The following NOP14 variants were observed in gnomAD, a reference collection of about 807,000 sequenced individuals.
NOP14 encodes nucleolar protein 14.
A neutral mutation model predicts 101.6 loss-of-function variants in NOP14; 57 were observed. The ratio of observed to expected loss-of-function variants is 0.56; its 90% CI spans 0.45 to 0.70. The LOEUF (loss-of-function observed/expected upper bound fraction) is 0.70. Ranked by LOEUF, NOP14 falls within the 30% of genes least tolerant of loss-of-function variation. NOP14 has a pLI of 0.00. For missense variants in NOP14, 1,134 were observed against 1,075.5 expected (o/e 1.05, Z -0.76); for synonymous variants, 428 against 424.0 (o/e 1.01, Z -0.12).
chr4:2,952,156 G>A, intron 6 of NOP14, 119 bp downstream of exon 6: 3 of 883,884 alleles, frequency 3.4e-6, no homozygotes, highest in Non-Finnish European at 4.9e-6. Flanking sequence ...ACTTTAAATA[G>A]ACTAAAATAT....
chr4:2,952,154 T>G, intron 6 of NOP14, 121 bp downstream of exon 6: 2 of 946,760 alleles, frequency 2.1e-6, no homozygotes, highest in Non-Finnish European at 3.0e-6. Context: ...AAACTTTAAA[T>G]AGACTAAAAT....
chr4:2,958,956 G>A (rs1217557278), intron 1 of NOP14, among the ~76,000 whole-genome samples: 2 of 152,220 alleles, frequency 1.3e-5, no homozygotes, highest in African/African-American at 4.8e-5. Context: ...ACAGAAGCAC[G>A]ACCTGGCCCT....
chr4:2,962,745 G>A (rs1437493353), intron 1 of NOP14, among the ~76,000 whole-genome samples: 1 of 152,106 alleles, frequency 6.6e-6, no homozygotes, highest in Non-Finnish European at 1.5e-5. Context: ...CGCTTCGGGA[G>A]AGAGCCGATG....
intron 1 of NOP14, among the ~76,000 whole-genome samples, chr4:2,958,260 T>C (rs1220398095): frequency 6.6e-6 from 1 of 152,182 alleles, no homozygotes; most frequent in African/African-American, 2.4e-5. Flanking sequence ...ATATTTTAAA[T>C]ACGGTTAGCA....
In NOP14 at chr4:2,938,861, C is replaced by T; in HGVS notation, c.2544G>A (p.Lys848=). 2.5e-6 allele frequency: 4 copies of T among 1,614,092 alleles called. No individual in the cohort carries two copies. Among genetic ancestry groups the T allele is most frequent in the East Asian group, 2.2e-5 (1 of 44,892 alleles). The change falls in exon 18 of 18, where the codon AAG becomes AAA. Residue 848 remains lysine (K), a synonymous_variant. Transcript: ENST00000416614. ...NSLATQEGEW[K]ALKRKKFKK ...TTTTGAACTTTTTCCTCTTCAGAGCCTTCCATTCGCCTTCCTGTGTAGCCA... is the reference window on the plus strand; with the variant it reads ...TTTTGAACTTTTTCCTCTTCAGAGCTTTCCATTCGCCTTCCTGTGTAGCCA...
rs763864615 is a variant in NOP14 at position 2,957,649 on chromosome 4, C to T, written c.287G>A (p.Ser96Asn). 6.2e-7 allele frequency: 1 copy of T among 1,614,178 alleles called. No homozygotes were observed. The change falls in exon 2 of 18, where the codon AGC (serine) becomes AAC (asparagine). Residue 96 changes from serine (S) to asparagine (N), a missense_variant. Transcript: ENST00000416614. ...KRFGEYNSNM[S>N]PEEKMMKRFA... ...CCTCTTCATCATCTTCTCCTCGGGG[C>T]TCATGTTGCTGTTGTATTCTCCGAA...
At chr4:2,946,849 T>C in intron 10 of NOP14, 1 of 408,520 alleles carries the variant, frequency 2.4e-6, no homozygotes, top group South Asian at 2.5e-5. Context: ...CTTTCCATAT[T>C]AACTCATTTA....
intron 13 of NOP14, 128 bp from the exon 14 acceptor site, chr4:2,942,479 G>T: frequency 2.0e-6 from 2 of 995,956 alleles, no homozygotes; most frequent in Non-Finnish European, 3.0e-6. Context: ...TTTCTGGGTT[G>T]TGCCAGACAC....
chr4:2,953,323 G>T (rs1279243794), intron 5 of NOP14, among the ~76,000 whole-genome samples, 188 bp downstream of exon 5: 1 of 152,150 alleles, frequency 6.6e-6, no homozygotes, highest in Non-Finnish European at 1.5e-5. Context: ...CTGCAATAGA[G>T]ACTCAAGTAA....
In NOP14 at chr4:2,938,645, A is replaced by G. The variant is rs924672935; in HGVS notation, c.*186T>C. 1.5e-5 allele frequency: 9 copies of G among 581,118 alleles called. No individual in the cohort carries two copies. Among genetic ancestry groups the G allele is most frequent in the East Asian group, 1.2e-4 (4 of 34,072 alleles). The allele number at this position is 581,118 out of a possible 1,614,324, so 36.0% of individuals were successfully genotyped here. A position where few individuals can be genotyped will look rare whatever the true frequency, so the allele number is the denominator to read the frequency against. On this transcript the variant is annotated 3_prime_UTR_variant, in exon 18 of 18. Transcript: ENST00000416614. ...TTCAGCCTCCCGAGTAGTTGGGACT[A>G]CAGGTGCGTGCCACCACACTTGGCT...
At chr4:2,959,383 A>C (rs140270339) in intron 1 of NOP14, among the ~76,000 whole-genome samples, 3 of 152,202 alleles carry the variant, frequency 2.0e-5, no homozygotes, top group Non-Finnish European at 2.9e-5. Flanking sequence ...ACGAGGTTAG[A>C]AGATCAAGAC....
chr4:2,944,016 C>T (rs1403399481), intron 13 of NOP14, 57 bp downstream of exon 13: 2 of 1,449,674 alleles, frequency 1.4e-6, no homozygotes, highest in Non-Finnish European at 1.9e-6. Context: ...GTATGAACTA[C>T]TTAAAAAAAT....
intron 1 of NOP14, among the ~76,000 whole-genome samples, chr4:2,960,982 ATTATAT>A (rs1168041584): frequency 1.2e-4 from 5 of 40,814 alleles, no homozygotes; most frequent in African/African-American, 4.8e-4. Flanking sequence ...TTATATTAAT[ATTATAT>A]CGATATTATT....
intron 10 of NOP14, chr4:2,947,001 G>A (rs928147545): frequency 5.1e-5 from 11 of 215,222 alleles, no homozygotes; most frequent in African/African-American, 1.9e-4. Flanking sequence ...TGAGGACTCT[G>A]CCCCTCTGGC....
Position 2,938,236 on chromosome 4 carries a change from A to G in NOP14, c.*595T>C, listed in dbSNP as rs752641579. ...CATTATAGCATTATTACTCTAAAAA[A>G]AATTACTTTTTTGGCTGGGTGCTGT... is the stretch of plus-strand genomic sequence containing the variant. On this transcript the variant is annotated 3_prime_UTR_variant, in exon 18 of 18. Transcript: ENST00000416614. 2.6e-5 allele frequency: 33 copies of G among 1,288,980 alleles called. No individual in the cohort carries two copies. In the South Asian group the frequency reaches 3.8e-4, roughly 15 times the overall value. The allele number at this position is 1,288,980 out of a possible 1,614,324, so 79.8% of individuals were successfully genotyped here.
In NOP14 at chr4:2,942,348, G is replaced by C. The variant is rs376705776; in HGVS notation, c.1895C>G (p.Ser632Cys). 6.2e-7 allele frequency: 1 copy of C among 1,612,892 alleles called. No individual in the cohort carries two copies. Among genetic ancestry groups the C allele is most frequent in the Non-Finnish European group, 8.5e-7 (1 of 1,179,140 alleles). Residue 632 changes from serine (S) to cysteine (C), a missense_variant, in exon 14 of 18, where the codon TCC becomes TGC. Coordinates refer to ENST00000416614, the MANE Select transcript of NOP14 (RefSeq NM_001291978.2). ...CGCTCTGAAAGGGTGCACCAGAGTGGAACCTGAATTCCAAGTGCGACAGGA... is the reference window on the plus strand; with the variant it reads ...CGCTCTGAAAGGGTGCACCAGAGTGCAACCTGAATTCCAAGTGCGACAGGA... ...IATPNKASQG[S>C]TLVHPFRALG... is the part of the protein sequence containing the mutation.
Position 2,942,203 on chromosome 4 carries a change from G to A in NOP14, c.2040C>T (p.Ala680=). ...SRLRAPTSTE[A]NHIRLSCLAV... Reference sequence around the variant, plus strand: ...GTCCCCTCACATACCGGATGTGATTGGCCTCTGTCGAAGTTGGGGCCCTCA... The same window carrying A: ...GTCCCCTCACATACCGGATGTGATTAGCCTCTGTCGAAGTTGGGGCCCTCA... The change falls in exon 14 of 18, where the codon GCC becomes GCT. Residue 680 remains alanine, a synonymous_variant. Coordinates refer to ENST00000416614, the MANE Select transcript of NOP14 (RefSeq NM_001291978.2). 1 of 1,614,042 alleles carries A rather than the reference G, an allele frequency of 6.2e-7. No individual in the cohort carries two copies. Among genetic ancestry groups the A allele is most frequent in the African/African-American group, 1.3e-5 (1 of 75,058 alleles).
chr4:2,938,161 C>G lies in NOP14; in HGVS notation c.*670G>C, dbSNP rs1034126942. ...TCATCAGGTGACGTTTTAACAGAAA[C>G]AAAACCGCAGGCAGCGGGTGGGGGG... On this transcript the variant is annotated 3_prime_UTR_variant, in exon 18 of 18. Transcript: ENST00000416614. 5.5e-6 allele frequency: 7 copies of G among 1,280,744 alleles called. No individual in the cohort carries two copies. The highest frequency in any genetic ancestry group is 7.1e-6 in the Non-Finnish European group (7 of 984,400). 79.3% of individuals were successfully genotyped at this position (1,280,744 alleles called of 1,614,324 possible).
rs757001486 is a variant in NOP14, at chr4:2,947,579, G to A, written c.1446C>T (p.Gly482=). ...CTGGTGGGTCATCTGTAGCCAAATC[G>A]CCAACGTATTCCAAAAGAAAGCCAA... is the stretch of plus-strand genomic sequence containing the variant. ...KLFGFLLEYV[G]DLATDDPPDL... is the part of the protein sequence containing the mutation. Residue 482 remains glycine, a synonymous_variant, in exon 10 of 18, where the codon GGC becomes GGT. Transcript: ENST00000416614. 4.3e-6 allele frequency: 7 copies of A among 1,613,946 alleles called. No individual in the cohort carries two copies. The East Asian group carries it at 8.9e-5, about 21-fold the overall frequency.
Sources: gnomAD v4.1 joint callset for allele counts (sites outside exome capture counted in the v4.1 genomes callset) on GRCh38, gnomAD v4.1.1 for gene constraint, MANE v1.5 for transcripts, NCBI Gene and HGNC (gene_info 2026-07-23, HGNC 2026-07-21) for gene names.